Variants in DPF3 observed in about 807,000 individuals in gnomAD.
DPF3 encodes zinc finger protein DPF3.
In DPF3, 18 loss-of-function variants were observed where a neutral mutation model predicts 56.8. The ratio of observed to expected loss-of-function variants is 0.32; its 90% CI spans 0.22 to 0.47. The LOEUF (loss-of-function observed/expected upper bound fraction) is 0.47, where lower values mean the gene tolerates loss of function less well. Ranked by LOEUF, DPF3 falls within the 20% of genes least tolerant of loss-of-function variation. The pLI is 1.00. For missense variants in DPF3, 403 were observed against 488.8 expected, an observed-to-expected ratio of 0.82 and a Z score of 1.65; for synonymous variants, 188 against 180.2, an observed-to-expected ratio of 1.04 and a Z score of -0.35.
intron 6 of DPF3, among the ~76,000 whole-genome samples, chr14:72,700,841 T>C (rs887440328): frequency 6.6e-6 from 1 of 152,162 alleles, no homozygotes. Context: ...TATGAGAGAA[T>C]GTATTTAAAA....
intron 1 of DPF3, among the ~76,000 whole-genome samples, chr14:72,869,148 A>G (rs1457499827): frequency 6.6e-6 from 1 of 152,190 alleles, no homozygotes; most frequent in African/African-American, 2.4e-5. Flanking sequence ...CTCTGCTGGG[A>G]TCAAATGTTT....
At chr14:72,628,423 G>T (rs1331800761) in intron 9 of DPF3, among the ~76,000 whole-genome samples, 2 of 151,994 alleles carry the variant, frequency 1.3e-5, no homozygotes, top group Non-Finnish European at 2.9e-5. Context: ...GTAACCAAAT[G>T]AAAGATTGGG....
Position 72,630,605 on chromosome 14 carries a change from A to G in DPF3, c.872-869T>C, listed in dbSNP as rs564841499. Among the ~76,000 whole-genome samples, 8 of 152,320 alleles carry G rather than the reference A, an allele frequency of 5.3e-5. No homozygotes were observed. In the South Asian group the frequency reaches 1.7e-3, roughly 32 times the overall value. On this transcript the variant is annotated intron_variant, in intron 8 of 10. Transcript: ENST00000556509. ...AGATGCTTGCAGGGAGAGGACGGCC[A>G]TGAACTGTAGAATGCAAAGACCCTT...
chr14:72,878,464 A>G (rs1056884487), intron 1 of DPF3, among the ~76,000 whole-genome samples: 1 of 152,202 alleles, frequency 6.6e-6, no homozygotes, highest in African/African-American at 2.4e-5. Flanking sequence ...TGTATCCAAA[A>G]ACAGTGACTG....
chr14:72,862,190 C>T (rs1159136405), intron 1 of DPF3, among the ~76,000 whole-genome samples: 2 of 152,202 alleles, frequency 1.3e-5, no homozygotes, highest in Non-Finnish European at 2.9e-5. Context: ...GTGAGGCCCA[C>T]TGGACAGTTC....
At chr14:72,717,444 C>A (rs575677757) in intron 5 of DPF3, among the ~76,000 whole-genome samples, 19 of 152,272 alleles carry the variant, frequency 1.2e-4, no homozygotes, top group Middle Eastern at 3.4e-3. Context: ...TCATTTCCCC[C>A]CTCCTTGCCT....
chr14:72,747,586 G>C (rs1890374666), intron 3 of DPF3, among the ~76,000 whole-genome samples: 1 of 148,522 alleles, frequency 6.7e-6, no homozygotes, highest in Admixed American at 6.8e-5. Context: ...CCAGGAGTTT[G>C]CAACCAGGCT....
chr14:72,655,272 A>G (rs2083313524), intron 8 of DPF3, among the ~76,000 whole-genome samples: 1 of 152,148 alleles, frequency 6.6e-6, no homozygotes, highest in Non-Finnish European at 1.5e-5. Context: ...TTTGTCATTT[A>G]TCTATATATG....
At chr14:72,850,771 G>C (rs1884949191) in intron 1 of DPF3, among the ~76,000 whole-genome samples, 1 of 151,962 alleles carries the variant, frequency 6.6e-6, no homozygotes, top group African/African-American at 2.4e-5. Context: ...ATCTCCCCTG[G>C]ACCTAAATAC....
intron 8 of DPF3, among the ~76,000 whole-genome samples, chr14:72,651,666 G>C (rs1181682682): frequency 6.6e-6 from 1 of 151,780 alleles, no homozygotes; most frequent in Middle Eastern, 3.2e-3. Flanking sequence ...CTTTGAAGTA[G>C]TACAACCAAA....
At chr14:72,728,426 G>T (rs1889498515) in intron 4 of DPF3, among the ~76,000 whole-genome samples, 1 of 152,178 alleles carries the variant, frequency 6.6e-6, no homozygotes, top group Non-Finnish European at 1.5e-5. Flanking sequence ...ATGGAGGGAA[G>T]AAGGCTGAAG....
At chr14:72,644,366 A>G (rs1452415015) in intron 8 of DPF3, among the ~76,000 whole-genome samples, 2 of 152,234 alleles carry the variant, frequency 1.3e-5, no homozygotes, top group African/African-American at 4.8e-5. Flanking sequence ...CCAAATTTTC[A>G]TCTAAGATTC....
chr14:72,657,981 C>T (rs1886104326), intron 8 of DPF3, among the ~76,000 whole-genome samples: 1 of 152,214 alleles, frequency 6.6e-6, no homozygotes, highest in Non-Finnish European at 1.5e-5. Context: ...CAGAAAACAA[C>T]CATGACCCCA....
At position 72,610,516 on chromosome 14, in the gene DPF3, T is replaced by C. The variant is rs1883658721; in HGVS notation, c.*8781A>G. On this transcript the variant is annotated 3_prime_UTR_variant, in exon 11 of 11. Transcript: ENST00000556509. ...ATTTCTTTTGGCTTCTTAGCAGAGA[T>C]GCTCCATGTCTTGGCTGTCAGAGAA... Among the ~76,000 whole-genome samples the C allele has an allele frequency of 6.6e-6, 1 of 152,270 alleles. No homozygotes were observed. Among genetic ancestry groups the C allele is most frequent in the African/African-American group, 2.4e-5 (1 of 41,480 alleles).
intron 8 of DPF3, among the ~76,000 whole-genome samples, chr14:72,652,468 G>A (rs1388822382): frequency 6.6e-6 from 1 of 152,202 alleles, no homozygotes; most frequent in Non-Finnish European, 1.5e-5. Context: ...GCTGGGGGGA[G>A]GCGGGGTAAG....
chr14:72,635,150 G>C (rs936242057), intron 8 of DPF3, among the ~76,000 whole-genome samples: 1 of 152,206 alleles, frequency 6.6e-6, no homozygotes, highest in Non-Finnish European at 1.5e-5. Flanking sequence ...ATGTATGGGA[G>C]ATCTAACTGC....
At chr14:72,847,521 G>A (rs534046662) in intron 1 of DPF3, among the ~76,000 whole-genome samples, 136 of 151,658 alleles carry the variant, frequency 9.0e-4, no homozygotes, top group African/African-American at 3.2e-3. Context: ...TTTTTCAGCG[G>A]GGGCAGGGGA....
At chr14:72,719,112 A>G (rs940525652) in intron 5 of DPF3, among the ~76,000 whole-genome samples, 1 of 118,890 alleles carries the variant, frequency 8.4e-6, no homozygotes, top group Non-Finnish European at 1.7e-5. Flanking sequence ...CTCTGTCACT[A>G]GGGCTGGAGT....
At chr14:72,765,298 G>T (rs1043103328) in intron 2 of DPF3, among the ~76,000 whole-genome samples, 1 of 135,738 alleles carries the variant, frequency 7.4e-6, no homozygotes, top group Admixed American at 9.2e-5. Flanking sequence ...TATATTGCTG[G>T]AGTCAATGTA....
Sources: allele counts gnomAD v4.1 joint callset (sites outside exome capture counted in the v4.1 genomes callset), GRCh38; gene constraint gnomAD v4.1.1; transcripts MANE v1.5; gene names NCBI Gene and HGNC (gene_info 2026-07-23, HGNC 2026-07-21).